The following SRGAP2 variants were observed in gnomAD, a reference collection of about 807,000 sequenced individuals.
The protein encoded by SRGAP2 is SLIT-ROBO Rho GTPase activating protein 2, also known as SLIT-ROBO Rho GTPase-activating protein 2.
Under a neutral mutation model 57.2 loss-of-function variants are expected in SRGAP2, and 15 were observed. The ratio of observed to expected loss-of-function variants is 0.26; its 90% CI spans 0.18 to 0.40. SRGAP2 has a LOEUF of 0.40. Ranked by LOEUF, SRGAP2 falls within the 10% of genes least tolerant of loss-of-function variation. The pLI, the probability that SRGAP2 is intolerant of heterozygous loss-of-function variation, is 1.00. For synonymous variants in SRGAP2, 249 were observed against 248.0 expected (o/e 1.00, Z -0.04); for missense variants, 520 against 669.6 (o/e 0.78, Z 2.47).
chr1:206,386,078 A>C (rs2103070992), intron 5 of SRGAP2, among the ~76,000 whole-genome samples: 1 of 152,330 alleles, frequency 6.6e-6, no homozygotes, highest in East Asian at 1.9e-4. Context: ...CCGAGAGGAC[A>C]TTTGGCAATG....
intron 13 of SRGAP2, among the ~76,000 whole-genome samples, chr1:206,425,420 C>A (rs1186157410): frequency 6.6e-6 from 1 of 152,142 alleles, no homozygotes; most frequent in Non-Finnish European, 1.5e-5. Flanking sequence ...TTTGAAATAT[C>A]CAATAAATTA....
chr1:206,452,077 A>C (rs1553376161), intron 19 of SRGAP2, among the ~76,000 whole-genome samples: 1 of 152,226 alleles, frequency 6.6e-6, no homozygotes, highest in African/African-American at 2.4e-5. Context: ...TAATGATAAC[A>C]ATAAGTCATG....
rs1664433756 is a variant in SRGAP2 at position 206,464,211 on chromosome 1, T to C, written c.*2791T>C. 1 of 152,654 alleles carries C rather than the reference T, an allele frequency of 6.6e-6. No homozygotes were observed. The highest frequency in any genetic ancestry group is 1.5e-5 in the Non-Finnish European group (1 of 68,048). The allele number at this position is 152,654 out of a possible 1,614,324, so 9.5% of individuals were successfully genotyped here. ...AGGGCTGGTGCAGATCTACTTCCCATGCAGAAGAGAAGTCACATCTTCCAG... is the reference window on the plus strand; with the variant it reads ...AGGGCTGGTGCAGATCTACTTCCCACGCAGAAGAGAAGTCACATCTTCCAG... On this transcript the variant is annotated 3_prime_UTR_variant, in exon 23 of 23. Coordinates refer to ENST00000573034, the MANE Select transcript of SRGAP2 (RefSeq NM_015326.5).
intron 2 of SRGAP2, among the ~76,000 whole-genome samples, chr1:206,238,484 G>C (rs1225760994): frequency 5.2e-5 from 2 of 38,736 alleles, no homozygotes; most frequent in African/African-American, 2.2e-4. Flanking sequence ...TATAGATGAG[G>C]TCTCTTTGGG....
intron 11 of SRGAP2, among the ~76,000 whole-genome samples, chr1:206,419,151 C>T (rs184008533): frequency 6.6e-6 from 1 of 152,220 alleles, no homozygotes; most frequent in East Asian, 1.9e-4. Context: ...TGGGAATCAG[C>T]ATCAGAAACA....
chr1:206,412,963 GAC>G (rs1279468890), intron 10 of SRGAP2, among the ~76,000 whole-genome samples: 15 of 152,168 alleles, frequency 9.9e-5, no homozygotes, highest in Non-Finnish European at 2.2e-4. Context: ...TTCATACCTT[GAC>G]ACAGTTATGA....
chr1:206,267,896 A>C (rs868925836), intron 2 of SRGAP2, among the ~76,000 whole-genome samples: 1 of 151,728 alleles, frequency 6.6e-6, no homozygotes, highest in Middle Eastern at 3.4e-3. Flanking sequence ...AATTCTCAAT[A>C]GAAAAAAAAG....
At position 206,205,859 on chromosome 1, in the gene SRGAP2, G is replaced by C. The variant is rs1271825288; in HGVS notation, c.-112G>C. On this transcript the variant is annotated 5_prime_UTR_variant, in exon 2 of 23. Coordinates refer to ENST00000573034, the MANE Select transcript of SRGAP2 (RefSeq NM_015326.5). ...ACGGAGCGCTGGAGACCACCGTGGG[G>C]GGCCCCTTCTGCCCTCGAGAGAAGC... 4 of 807,708 alleles carry C rather than the reference G, an allele frequency of 5.0e-6. No homozygotes were observed. The East Asian group carries it at 1.1e-4, about 22-fold the overall frequency. 50.0% of individuals were successfully genotyped at this position (807,708 alleles called of 1,614,324 possible).
chr1:206,428,164 C>T (rs1009227681), intron 13 of SRGAP2, among the ~76,000 whole-genome samples: 14 of 151,976 alleles, frequency 9.2e-5, no homozygotes, highest in African/African-American at 1.4e-4. Flanking sequence ...CGCCTGTAAT[C>T]GCAGCACTTT....
chr1:206,458,181 AAG>A (rs1416564950), intron 21 of SRGAP2, among the ~76,000 whole-genome samples: 2 of 152,216 alleles, frequency 1.3e-5, no homozygotes, highest in South Asian at 2.1e-4. Context: ...TTTTTGGAAA[AAG>A]AGTCATGCTA....
rs1324927643 is a variant in SRGAP2 at position 206,421,235 on chromosome 1, C to T, written c.1470-15C>T. On this transcript the variant is annotated splice_polypyrimidine_tract_variant and intron_variant, in intron 12 of 22. Coordinates refer to ENST00000573034, the MANE Select transcript of SRGAP2 (RefSeq NM_015326.5). ...GCTGGATTGGTCCAATCTGATTCGG[C>T]GGGATTGGTCACAGGCGCAGCTCAA... 6 of 777,544 alleles carry T rather than the reference C, an allele frequency of 7.7e-6. No homozygotes were observed. Among genetic ancestry groups the T allele is most frequent in the African/African-American group, 5.1e-5 (3 of 58,998 alleles). 48.2% of individuals were successfully genotyped at this position (777,544 alleles called of 1,614,324 possible).
intron 4 of SRGAP2, among the ~76,000 whole-genome samples, chr1:206,369,730 A>T (rs1301820467): frequency 6.6e-6 from 1 of 151,872 alleles, no homozygotes; most frequent in Non-Finnish European, 1.5e-5. Context: ...CTATAATTTT[A>T]AAAAGGAAGA....
chr1:206,327,557 GT>G (rs1181108390), intron 3 of SRGAP2, among the ~76,000 whole-genome samples: 2 of 127,630 alleles, frequency 1.6e-5, no homozygotes, highest in East Asian at 4.4e-4. Flanking sequence ...ACACTTTCAT[GT>G]TTATAAAGTT....
chr1:206,260,360 A>G (rs1192015770), intron 2 of SRGAP2, among the ~76,000 whole-genome samples: 4 of 151,142 alleles, frequency 2.6e-5, no homozygotes, highest in Admixed American at 6.6e-5. Context: ...TAGGTAGTAA[A>G]GGTAAATTTA....
rs12743441 is a variant in SRGAP2, at chr1:206,424,435, A to G, written c.1494+3161A>G. Reference sequence around the variant, plus strand: ...TTTGGGAGGCCCAGATGGGCGGATCACCTGAGGTCAGGAGTTCGAGACCAG... The same window carrying G: ...TTTGGGAGGCCCAGATGGGCGGATCGCCTGAGGTCAGGAGTTCGAGACCAG... On this transcript the variant is annotated intron_variant, in intron 13 of 22. Transcript: ENST00000573034. Among the ~76,000 whole-genome samples the G allele has an allele frequency of 3.5e-4, 53 of 152,272 alleles. 2 individuals are homozygous for G. The South Asian group carries it at 0.01, about 30-fold the overall frequency.
chr1:206,394,204 G>A (rs1657338095), intron 7 of SRGAP2, among the ~76,000 whole-genome samples: 1 of 145,410 alleles, frequency 6.9e-6, no homozygotes, highest in South Asian at 2.3e-4. Flanking sequence ...GCATCACCAT[G>A]CCCAGCTAAT....
At chr1:206,458,997 C>T (rs756241579) in intron 22 of SRGAP2, 50 bp downstream of exon 22, 1 of 669,556 alleles carries the variant, frequency 1.5e-6, no homozygotes, top group South Asian at 1.7e-5. Context: ...TCATCACTAC[C>T]ACTTAGTGCC....
chr1:206,452,611 C>T (rs974813817), intron 19 of SRGAP2, among the ~76,000 whole-genome samples: 13 of 152,042 alleles, frequency 8.6e-5, no homozygotes, highest in Non-Finnish European at 1.2e-4. Context: ...GGGATGCGGT[C>T]GGGCGCGTGG....
intron 21 of SRGAP2, chr1:206,456,256 A>T (rs1166079920): frequency 6.6e-6 from 1 of 151,982 alleles, no homozygotes; most frequent in Non-Finnish European, 1.5e-5. Context: ...TTCACCCTCA[A>T]GTTAGTAAAG....
Sources: gnomAD v4.1 joint callset for allele counts (sites outside exome capture counted in the v4.1 genomes callset) on GRCh38, gnomAD v4.1.1 for gene constraint, MANE v1.5 for transcripts, NCBI Gene and HGNC (gene_info 2026-07-23, HGNC 2026-07-21) for gene names.